NUDCD1: variants seen among roughly 807,000 people sequenced by gnomAD.
NUDCD1 encodes the protein NudC domain containing 1.
In NUDCD1, 60 loss-of-function variants were observed where a neutral mutation model predicts 67.8. The ratio of observed to expected loss-of-function variants is 0.88; its 90% CI spans 0.72 to 1.10. The LOEUF is 1.10. Ranked by LOEUF, NUDCD1 falls within the 50% of genes least tolerant of loss-of-function variation. NUDCD1 has a pLI of 0.00. For missense variants in NUDCD1, 643 were observed against 695.0 expected (o/e 0.93, Z 0.84); for synonymous variants, 244 against 230.8 (o/e 1.06, Z -0.52).
intron 6 of NUDCD1, among the ~76,000 whole-genome samples, chr8:109,276,615 T>C (rs1478061395): frequency 6.6e-6 from 1 of 152,210 alleles, no homozygotes; most frequent in African/African-American, 2.4e-5. Flanking sequence ...TACTTATAAT[T>C]AGCACTGAAA....
intron 2 of NUDCD1, among the ~76,000 whole-genome samples, chr8:109,300,819 T>A (rs767718629): frequency 1.3e-5 from 2 of 152,014 alleles, no homozygotes; most frequent in Non-Finnish European, 2.9e-5. Flanking sequence ...AAAGTTAAGG[T>A]GAAGGAAAGA....
intron 1 of NUDCD1, chr8:109,329,980 GAC>G: frequency 1.6e-6 from 2 of 1,247,498 alleles, no homozygotes; most frequent in Non-Finnish European, 1.0e-6. Flanking sequence ...TGTAGATTCT[GAC>G]TAGTCAAGAA....
intron 8 of NUDCD1, among the ~76,000 whole-genome samples, chr8:109,252,161 T>A (rs1258862201): frequency 6.6e-6 from 1 of 152,040 alleles, no homozygotes; most frequent in Non-Finnish European, 1.5e-5. Context: ...CCTAGCCTGA[T>A]GGTGAGGGGG....
At chr8:109,288,005 T>C (rs957004133) in intron 5 of NUDCD1, among the ~76,000 whole-genome samples, 3 of 152,158 alleles carry the variant, frequency 2.0e-5, no homozygotes, top group African/African-American at 4.8e-5. Context: ...AAATAGCCAA[T>C]AGATAATACC....
chr8:109,299,544 T>C (rs947273089), intron 2 of NUDCD1, among the ~76,000 whole-genome samples: 4 of 152,086 alleles, frequency 2.6e-5, no homozygotes, highest in Non-Finnish European at 5.9e-5. Context: ...CCTAGGAACA[T>C]AACTCCATTG....
chr8:109,246,159 G>T (rs530577157), intron 8 of NUDCD1, among the ~76,000 whole-genome samples: 45 of 152,234 alleles, frequency 3.0e-4, no homozygotes, highest in Non-Finnish European at 6.0e-4. Flanking sequence ...AAAAAGGTTG[G>T]GGACTGCTGA....
intron 8 of NUDCD1, among the ~76,000 whole-genome samples, chr8:109,248,024 T>A (rs553510631): frequency 6.6e-6 from 1 of 152,212 alleles, no homozygotes; most frequent in Non-Finnish European, 1.5e-5. Context: ...GTGGGTAGAC[T>A]CAATGTATTA....
At chr8:109,331,005 A>G (rs1046284195) in intron 1 of NUDCD1, among the ~76,000 whole-genome samples, 1 of 152,222 alleles carries the variant, frequency 6.6e-6, no homozygotes, top group African/African-American at 2.4e-5. Flanking sequence ...TTACCTATGT[A>G]CCAAACCTGC....
At position 109,322,309 on chromosome 8, in the gene NUDCD1, C is replaced by G; in HGVS notation, c.273G>C (p.Leu91=). 2 of 1,485,906 alleles carry G rather than the reference C, an allele frequency of 1.3e-6. No individual in the cohort carries two copies. Among genetic ancestry groups the G allele is most frequent in the Non-Finnish European group, 1.9e-6 (2 of 1,077,344 alleles). The allele number at this position is 1,485,906 out of a possible 1,614,324, so 92.0% of individuals were successfully genotyped here. ...ATTATTACATACATGTTTCTCTTAC[C>G]AGCATTACTGTTAAATTCATAATTC... The part of the protein sequence containing the change: ...LGRIMNLTVM[L]DTALGKPREV... Residue 91 remains leucine (L), a splice_region_variant and synonymous_variant, in exon 2 of 10, where the codon CTG becomes CTC. Coordinates refer to ENST00000239690, the MANE Select transcript of NUDCD1 (RefSeq NM_032869.4).
At chr8:109,269,945 T>TAA (rs11347205) in intron 8 of NUDCD1, among the ~76,000 whole-genome samples, 5 of 128,360 alleles carry the variant, frequency 3.9e-5, no homozygotes, top group East Asian at 2.2e-4. Context: ...GGTTCTAAAT[T>TAA]AAAAAAAAAA....
intron 4 of NUDCD1, among the ~76,000 whole-genome samples, chr8:109,291,812 T>C (rs1051265598): frequency 9.2e-5 from 14 of 152,136 alleles, no homozygotes; most frequent in African/African-American, 2.9e-4. Context: ...AGCAGAGTAC[T>C]GCTATGTTCT....
chr8:109,326,237 GTTA>G, intron 1 of NUDCD1, among the ~76,000 whole-genome samples: 1 of 152,216 alleles, frequency 6.6e-6, no homozygotes, highest in African/African-American at 2.4e-5. Context: ...ATTTATATAA[GTTA>G]TTAAGACACA....
At chr8:109,307,288 T>TTA (rs1235332205) in intron 2 of NUDCD1, among the ~76,000 whole-genome samples, 1 of 152,248 alleles carries the variant, frequency 6.6e-6, no homozygotes, top group African/African-American at 2.4e-5. Context: ...CTCTATGCCC[T>TTA]TAAGAATGTA....
chr8:109,256,093 C>T (rs1813730971), intron 8 of NUDCD1, among the ~76,000 whole-genome samples: 1 of 151,832 alleles, frequency 6.6e-6, no homozygotes, highest in African/African-American at 2.4e-5. Context: ...CACCTGTGGT[C>T]CCAGCTACTC....
chr8:109,312,494 G>T (rs972444541), intron 2 of NUDCD1, among the ~76,000 whole-genome samples: 5 of 152,048 alleles, frequency 3.3e-5, no homozygotes, highest in Admixed American at 6.6e-5. Flanking sequence ...TGCTGCTATG[G>T]TTTTATTAAG....
chr8:109,258,213 A>G (rs1010176048), intron 8 of NUDCD1, among the ~76,000 whole-genome samples: 37 of 152,094 alleles, frequency 2.4e-4, no homozygotes, highest in African/African-American at 8.7e-4. Context: ...GTATGATGTA[A>G]AAGTCAAAAT....
chr8:109,266,627 A>T (rs1275431025), intron 8 of NUDCD1, among the ~76,000 whole-genome samples: 2 of 152,072 alleles, frequency 1.3e-5, no homozygotes, highest in Non-Finnish European at 2.9e-5. Flanking sequence ...TTCAATGCAG[A>T]CTAGCCACAT....
At chr8:109,270,079 G>GTGGCA (rs1400174724) in intron 8 of NUDCD1, among the ~76,000 whole-genome samples, 1 of 58,574 alleles carries the variant, frequency 1.7e-5, no homozygotes, top group African/African-American at 6.9e-5. Context: ...GGGGGGGGGG[G>GTGGCA]GGGTGCCTTA....
chr8:109,257,871 A>G (rs1168215792), intron 8 of NUDCD1, among the ~76,000 whole-genome samples: 1 of 152,126 alleles, frequency 6.6e-6, no homozygotes, highest in African/African-American at 2.4e-5. Context: ...AACTTTATTT[A>G]TAAAAACAGG....
Sources: gnomAD v4.1 joint callset for allele counts (sites outside exome capture counted in the v4.1 genomes callset) on GRCh38, gnomAD v4.1.1 for gene constraint, MANE v1.5 for transcripts, NCBI Gene and HGNC (gene_info 2026-07-23, HGNC 2026-07-21) for gene names.